GSE1: variants seen among roughly 807,000 people sequenced by gnomAD.
The protein encoded by GSE1 is Gse1 coiled-coil protein, also known as genetic suppressor element 1.
Under a neutral mutation model 112.6 loss-of-function variants are expected in GSE1, and 32 were observed. The ratio of observed to expected loss-of-function variants is 0.28; its 90% CI spans 0.21 to 0.38. GSE1 has a LOEUF of 0.38. GSE1 is among the 10% of genes least tolerant of loss of function. GSE1 has a pLI of 1.00. For missense variants in GSE1, 2,348 were observed against 1,699.2 expected, an observed-to-expected ratio of 1.38 and a Z score of -6.71; for synonymous variants, 1,115 against 735.6, an observed-to-expected ratio of 1.52 and a Z score of -8.35.
At chr16:85,353,372 G>A (rs549482775) in intron 1 of GSE1, among the ~76,000 whole-genome samples, 1 of 152,342 alleles carries the variant, frequency 6.6e-6, no homozygotes, top group Non-Finnish European at 1.5e-5. Flanking sequence ...ATGTCTAGGA[G>A]TGGAGTTGCT....
intron 1 of GSE1, among the ~76,000 whole-genome samples, chr16:85,261,398 A>G (rs1329603201): frequency 1.3e-5 from 2 of 152,130 alleles, no homozygotes; most frequent in African/African-American, 2.4e-5. Flanking sequence ...CGCAGTTTTG[A>G]GCTGTGCCTG....
chr16:85,463,507 C>T (rs925502363), intron 2 of GSE1, among the ~76,000 whole-genome samples: 3 of 152,212 alleles, frequency 2.0e-5, no homozygotes. Context: ...GTGGGTCCAA[C>T]CCTGGCAGGG....
intron 1 of GSE1, among the ~76,000 whole-genome samples, chr16:85,584,679 C>T (rs1169465338): frequency 1.3e-5 from 2 of 152,232 alleles, no homozygotes; most frequent in South Asian, 2.1e-4. Flanking sequence ...GTTCCCCCTC[C>T]GTTTTATGCC....
chr16:85,416,941 A>T (rs1245574658), intron 2 of GSE1, among the ~76,000 whole-genome samples: 2 of 150,458 alleles, frequency 1.3e-5, no homozygotes, highest in South Asian at 2.1e-4. Context: ...TGCAGCCTCA[A>T]CCTCCCAGGC....
chr16:85,657,979 C>G (rs1196094248), intron 8 of GSE1, among the ~76,000 whole-genome samples: 1 of 152,138 alleles, frequency 6.6e-6, no homozygotes, highest in Non-Finnish European at 1.5e-5. Flanking sequence ...TGCTTTTGAG[C>G]CTGGACTTCT....
At chr16:85,664,194 T>C (rs143498716) in intron 11 of GSE1, among the ~76,000 whole-genome samples, 200 of 152,370 alleles carry the variant, frequency 1.3e-3, no homozygotes, top group African/African-American at 4.7e-3. Flanking sequence ...GGGTTTTGGC[T>C]TCCTTGGCCT....
chr16:85,556,376 T>C (rs2045210790), intron 1 of GSE1: 1 of 983,200 alleles, frequency 1.0e-6, no homozygotes, highest in Non-Finnish European at 1.2e-6. Context: ...AAGCGAGCCG[T>C]GCGCCTCCCT....
At chr16:85,531,875 G>T (rs770544409) in intron 2 of GSE1, among the ~76,000 whole-genome samples, 1 of 152,134 alleles carries the variant, frequency 6.6e-6, no homozygotes, top group South Asian at 2.1e-4. Flanking sequence ...AGAGACAAGA[G>T]ACTATTTTGG....
rs552916668 is a variant in GSE1, at chr16:85,534,595, G to A, written c.2465-99319G>A. Among the ~76,000 whole-genome samples, 181 of 152,252 alleles carry A rather than the reference G, an allele frequency of 1.2e-3. 1 individual carries two copies. The highest frequency in any genetic ancestry group is 4.3e-3 in the African/African-American group (179 of 41,532). On this transcript the variant is annotated intron_variant, in intron 2 of 2. Coordinates refer to the GSE1 transcript ENST00000637419. ...CAGAGCCATCTTCCACTGTATGCGC[G>A]TACTACATTTTGTTTATTCGTCGTT...
intron 2 of GSE1, chr16:85,462,943 C>T (rs908342713): frequency 1.6e-5 from 3 of 188,258 alleles, no homozygotes; most frequent in Admixed American, 6.5e-5. Flanking sequence ...AATCCCGGGG[C>T]TCCATCCCCG....
At chr16:85,384,038 C>T (rs1490236834) in intron 2 of GSE1, among the ~76,000 whole-genome samples, 1 of 152,148 alleles carries the variant, frequency 6.6e-6, no homozygotes, top group Non-Finnish European at 1.5e-5. Context: ...GTGATCACAT[C>T]CACATGGGCA....
At chr16:85,455,977 A>C (rs1369094787) in intron 2 of GSE1, among the ~76,000 whole-genome samples, 1 of 152,180 alleles carries the variant, frequency 6.6e-6, no homozygotes, top group East Asian at 1.9e-4. Context: ...CTTATTTTAG[A>C]GACGAGGAAA....
At chr16:85,638,743 C>T (rs528592670) in intron 2 of GSE1, among the ~76,000 whole-genome samples, 3 of 151,448 alleles carry the variant, frequency 2.0e-5, no homozygotes, top group African/African-American at 2.4e-5. Flanking sequence ...CCTCCCCTAC[C>T]CCTCCACCCA....
intron 1 of GSE1, among the ~76,000 whole-genome samples, chr16:85,184,550 G>A (rs1459497265): frequency 6.6e-6 from 1 of 152,122 alleles, no homozygotes; most frequent in East Asian, 1.9e-4. Context: ...CTAAAATACT[G>A]CATGGGAGGG....
chr16:85,670,954 C>G (rs1272886120), intron 14 of GSE1, 41 bp from the exon 15 acceptor site: 1 of 1,282,090 alleles, frequency 7.8e-7, no homozygotes, highest in Non-Finnish European at 1.1e-6. Flanking sequence ...CCTTCGGGCT[C>G]CTGCATACGG....
intron 2 of GSE1, among the ~76,000 whole-genome samples, chr16:85,487,004 G>T (rs1041784683): frequency 1.3e-5 from 2 of 152,146 alleles, no homozygotes; most frequent in Non-Finnish European, 2.9e-5. Flanking sequence ...TGGGGTTCAC[G>T]GGTGGTTGCT....
At chr16:85,555,233 T>C (rs2151256199), upstream of GSE1, 1 of 985,396 alleles carries the variant, frequency 1.0e-6, no homozygotes, top group East Asian at 1.1e-4. Context: ...GCATGAAAAT[T>C]GATCGAGGGG....
At chr16:85,392,676 G>A (rs954529657) in intron 2 of GSE1, among the ~76,000 whole-genome samples, 16 of 152,208 alleles carry the variant, frequency 1.1e-4, no homozygotes, top group African/African-American at 3.9e-4. Flanking sequence ...CTATTTGGGG[G>A]TAGGTTCTCC....
upstream of GSE1, chr16:85,555,027 G>A: frequency 5.1e-6 from 5 of 985,356 alleles, no homozygotes; most frequent in Non-Finnish European, 6.0e-6. Context: ...CGCGCGGGGG[G>A]AAGCTCGCAA....
Sources: allele counts gnomAD v4.1 joint callset (sites outside exome capture counted in the v4.1 genomes callset), GRCh38; gene constraint gnomAD v4.1.1; transcripts MANE v1.5; gene names NCBI Gene and HGNC (gene_info 2026-07-23, HGNC 2026-07-21).